Variants in INTS3 observed in about 807,000 individuals in gnomAD.
INTS3 encodes integrator complex subunit 3, also known as SOSS complex subunit A.
A neutral mutation model predicts 146.3 loss-of-function variants in INTS3; 34 were observed. The ratio of observed to expected loss-of-function variants is 0.23; its 90% CI spans 0.18 to 0.31. The LOEUF (loss-of-function observed/expected upper bound fraction) is 0.31. INTS3 is among the 10% of genes least tolerant of loss of function. The pLI is 1.00. For synonymous variants in INTS3, 475 were observed against 494.9 expected, an observed-to-expected ratio of 0.96 and a Z score of 0.53; for missense variants, 757 against 1,304.2, an observed-to-expected ratio of 0.58 and a Z score of 6.46.
chr1:153,762,620 TA>T, intron 14 of INTS3, 107 bp from the exon 15 acceptor site: 1 of 1,366,762 alleles, frequency 7.3e-7, no homozygotes, highest in Non-Finnish European at 1.0e-6. Context: ...ATTTAGATGA[TA>T]AACTCCTTAT....
Position 153,770,717 on chromosome 1 carries a change from C to T in INTS3, c.2536C>T (p.Gln846Ter). The T allele has an allele frequency of 1.2e-6, 2 of 1,613,830 alleles. No individual in the cohort carries two copies. Among genetic ancestry groups the T allele is most frequent in the Non-Finnish European group, 1.7e-6 (2 of 1,179,684 alleles). ...HPEALSCLLL[Q>*]LRREKPSEEM... ...AGAGGCCCTGTCCTGCCTACTGCTT[C>T]AACTCCGAAGAGAAAAGTGAGTTCC... Residue 846 changes from glutamine (Q) to a stop codon, truncating the protein, a stop_gained, in exon 25 of 30, where the codon CAA becomes TAA. Transcript: ENST00000318967. LOFTEE classifies it high-confidence loss of function.
chr1:153,738,027 T>C (rs1382672382), intron 1 of INTS3, among the ~76,000 whole-genome samples: 1 of 152,228 alleles, frequency 6.6e-6, no homozygotes, highest in African/African-American at 2.4e-5. Context: ...ATCCAAGATA[T>C]ACAATTTTAT....
chr1:153,732,447 AT>A (rs201977770), intron 1 of INTS3, among the ~76,000 whole-genome samples: 4,617 of 138,558 alleles, frequency 0.033, 124 homozygotes, highest in African/African-American at 0.087. Flanking sequence ...GTCCTTGGGG[AT>A]TTTTTTTTTT....
chr1:153,752,314 A>G lies in INTS3; in HGVS notation c.765A>G (p.Val255=). The G allele has an allele frequency of 2.5e-6, 4 of 1,613,500 alleles. No homozygotes were observed. Among genetic ancestry groups the G allele is most frequent in the Non-Finnish European group, 3.4e-6 (4 of 1,179,516 alleles). Residue 255 remains valine, a synonymous_variant, in exon 8 of 30, where the codon GTA becomes GTG. Coordinates refer to ENST00000318967, the MANE Select transcript of INTS3 (RefSeq NM_023015.5). ...GTCTGATGATTGGTCGGGATCTCGTAAGACTACTTCAGAATGTTGCTAGGA... is the reference window on the plus strand; with the variant it reads ...GTCTGATGATTGGTCGGGATCTCGTGAGACTACTTCAGAATGTTGCTAGGA... ...MECLMIGRDL[V]RLLQNVARIP... is the part of the protein sequence containing the mutation.
intron 8 of INTS3, among the ~76,000 whole-genome samples, chr1:153,754,361 A>C (rs1287782051): frequency 6.6e-6 from 1 of 152,074 alleles, no homozygotes; most frequent in African/African-American, 2.4e-5. Context: ...TAACTTTCCC[A>C]TCTGTTACCA....
chr1:153,766,330 C>G (rs1286191758), intron 20 of INTS3: 1 of 152,018 alleles, frequency 6.6e-6, no homozygotes, highest in East Asian at 1.9e-4. Context: ...TGGATTCTTG[C>G]TCTGTCACCC....
rs552362547 is a variant in INTS3 at position 153,738,627 on chromosome 1, G to A, written c.151-2024G>A. Among the ~76,000 whole-genome samples, 257 of 152,252 alleles carry A rather than the reference G, an allele frequency of 1.7e-3. 3 individuals carry two copies. Among genetic ancestry groups the A allele is most frequent in the African/African-American group, 6.0e-3 (248 of 41,550 alleles). The stretch of plus-strand genomic sequence containing the variant: ...GTAGTGTCCTCCAGGCTCTCCTACA[G>A]TGATTATTATATTCCTTTTGTAATT... On this transcript the variant is annotated intron_variant, in intron 1 of 29. Transcript: ENST00000318967.
chr1:153,731,579 C>CTTT (rs71093282), intron 1 of INTS3, among the ~76,000 whole-genome samples: 91 of 129,800 alleles, frequency 7.0e-4, no homozygotes, highest in African/African-American at 2.3e-3. Flanking sequence ...AGAGCGTCCT[C>CTTT]TTTTTTTTTT....
intron 11 of INTS3, 78 bp from the exon 12 acceptor site, chr1:153,760,231 TCA>T (rs1672325585): frequency 3.8e-4 from 276 of 721,762 alleles, no homozygotes; most frequent in South Asian, 1.5e-3. Context: ...AGACTCTGTT[TCA>T]AAAAAAAAAA....
In INTS3 at chr1:153,760,232, CAAAAAAAAAAA is replaced by C. The variant is rs58951043; in HGVS notation, c.1238-63_1238-53del. ...TGGGTGACAGAGCAAGACTCTGTTT[CAAAAAAAAAAA>C]AAAAAAAAAAAAAAAGAGAGAGAGA... On this transcript the variant is annotated intron_variant, in intron 11 of 29. Coordinates refer to ENST00000318967, the MANE Select transcript of INTS3 (RefSeq NM_023015.5). 101 of 395,390 alleles carry C rather than the reference CAAAAAAAAAAA, an allele frequency of 2.6e-4. 1 individual carries two copies. The highest frequency in any genetic ancestry group is 7.3e-4 in the Middle Eastern group (1 of 1,376). The allele number at this position is 395,390 out of a possible 1,614,324, so 24.5% of individuals were successfully genotyped here. A position where few individuals can be genotyped will look rare whatever the true frequency, so the allele number is the denominator to read the frequency against.
intron 7 of INTS3, 41 bp downstream of exon 7, chr1:153,751,280 C>G (rs1258919794): frequency 1.2e-6 from 2 of 1,605,572 alleles, no homozygotes; most frequent in Non-Finnish European, 1.7e-6. Flanking sequence ...AAGTGAGACT[C>G]AGGCTAAGAT....
rs756562480 is a variant in INTS3 at position 153,773,239 on chromosome 1, G to C, written c.3098G>C (p.Gly1033Ala). 4 of 1,613,936 alleles carry C rather than the reference G, an allele frequency of 2.5e-6. No homozygotes were observed. Among genetic ancestry groups the C allele is most frequent in the Non-Finnish European group, 3.4e-6 (4 of 1,180,038 alleles). The change falls in exon 30 of 30, where the codon GGG becomes GCG. Residue 1033 changes from glycine (G) to alanine (A), a missense_variant. This residue lies in a region of INTS3 where 125 missense variants were observed against 165.6 expected (regional missense o/e 0.75). Coordinates refer to ENST00000318967, the MANE Select transcript of INTS3 (RefSeq NM_023015.5). ...KPKPTKRKRK[G>A]SSAVGSDSD ...AAGCCTACCAAGCGGAAACGAAAAG[G>C]GTCCTCTGCAGTGGGCTCTGACAGT...
rs989563299 is a variant in INTS3 at position 153,728,076 on chromosome 1, A to G, written c.-559A>G. ...CCTTCCCACCCCCCGCCCTTCCACT[A>G]TGGCCGCTTCTGTGTGGTGTGGGGA... is the stretch of plus-strand genomic sequence containing the variant. On this transcript the variant is annotated 5_prime_UTR_variant, in exon 1 of 30. An upstream start codon of the reference 5' UTR is lost. Coordinates refer to ENST00000318967, the MANE Select transcript of INTS3 (RefSeq NM_023015.5). 1.3e-4 allele frequency: 16 copies of G among 120,476 alleles called. No individual in the cohort carries two copies. Among genetic ancestry groups the G allele is most frequent in the East Asian group, 1.1e-3 (5 of 4,688 alleles). The allele number at this position is 120,476 out of a possible 1,614,324, so 7.5% of individuals were successfully genotyped here.
intron 12 of INTS3, 27 bp downstream of exon 12, chr1:153,760,417 C>T (rs776944888): frequency 6.3e-7 from 1 of 1,581,142 alleles, no homozygotes; most frequent in South Asian, 1.1e-5. Context: ...TCTTTTCTCC[C>T]CATGCCTGGA....
chr1:153,736,295 G>T (rs1315226687), intron 1 of INTS3, among the ~76,000 whole-genome samples: 1 of 152,126 alleles, frequency 6.6e-6, no homozygotes, highest in Non-Finnish European at 1.5e-5. Flanking sequence ...GTGGCTTGGG[G>T]CTTATTTTAG....
intron 1 of INTS3, among the ~76,000 whole-genome samples, chr1:153,737,453 T>C (rs746974217): frequency 1.3e-5 from 2 of 152,164 alleles, no homozygotes; most frequent in Non-Finnish European, 2.9e-5. Context: ...AGAATGACTG[T>C]TGGGTAGGCT....
rs1557998663 is a variant in INTS3 at position 153,752,282 on chromosome 1, A to G, written c.733A>G (p.Met245Val). 6.2e-7 allele frequency: 1 copy of G among 1,613,308 alleles called. No homozygotes were observed. Among genetic ancestry groups the G allele is most frequent in the East Asian group, 2.2e-5 (1 of 44,846 alleles). The change falls in exon 8 of 30, where the codon ATG (methionine) becomes GTG (valine). Residue 245 changes from methionine (M) to valine (V), a missense_variant. Met to Val is a conservative substitution (Grantham distance 21, BLOSUM62 1). Around this residue, in one of 8 missense-constraint regions of INTS3, gnomAD observed 134 missense variants for 243.1 expected, o/e 0.55. Transcript: ENST00000318967. The part of the protein sequence containing the change: ...FCISLLRERF[M>V]ECLMIGRDLV... ...CCACTTCCTCTTCCCTATCAAGTTC[A>G]TGGAATGTCTGATGATTGGTCGGGA...
At chr1:153,744,526 A>G (rs539315825) in intron 3 of INTS3, among the ~76,000 whole-genome samples, 1 of 152,320 alleles carries the variant, frequency 6.6e-6, no homozygotes, top group South Asian at 2.1e-4. Flanking sequence ...TCTCCCAACC[A>G]TCAACCATCC....
At chr1:153,764,307 C>A in intron 18 of INTS3, 86 bp downstream of exon 18, 1 of 876,914 alleles carries the variant, frequency 1.1e-6, no homozygotes, top group Non-Finnish European at 1.9e-6. Context: ...TTACTGTAGA[C>A]TTGAGAAAAA....
Sources: gnomAD v4.1 joint callset for allele counts (sites outside exome capture counted in the v4.1 genomes callset) on GRCh38, gnomAD v4.1.1 for gene constraint, gnomAD v4.1.1 regional missense constraint, MANE v1.5 for transcripts, NCBI Gene and HGNC (gene_info 2026-07-23, HGNC 2026-07-21) for gene names.